SSX2IP: variants seen among roughly 807,000 people sequenced by gnomAD.
SSX2IP encodes the protein afadin- and alpha-actinin-binding protein.
Under a neutral mutation model 84.9 loss-of-function variants are expected in SSX2IP, and 55 were observed. The observed-to-expected ratio is 0.65, with a 90% CI of 0.52 to 0.81. The LOEUF is 0.81. SSX2IP is among the 30% of genes least tolerant of loss of function. The pLI is 0.00. For synonymous variants in SSX2IP, 239 were observed against 234.7 expected, an observed-to-expected ratio of 1.02 and a Z score of -0.17; for missense variants, 664 against 705.2, an observed-to-expected ratio of 0.94 and a Z score of 0.66.
intron 1 of SSX2IP, among the ~76,000 whole-genome samples, chr1:84,672,833 T>G (rs1050945880): frequency 6.6e-6 from 1 of 152,166 alleles, no homozygotes; most frequent in Non-Finnish European, 1.5e-5. Flanking sequence ...GAGACCAGTC[T>G]GGCCAACATG....
At chr1:84,672,460 T>C (rs1570678176) in intron 1 of SSX2IP, among the ~76,000 whole-genome samples, 1 of 150,144 alleles carries the variant, frequency 6.7e-6, no homozygotes, top group South Asian at 2.1e-4. Context: ...GAAAGGGGAG[T>C]GGCTAGAGAA....
intron 1 of SSX2IP, among the ~76,000 whole-genome samples, chr1:84,672,312 G>C (rs545078524): frequency 2.6e-5 from 4 of 152,086 alleles, no homozygotes; most frequent in Non-Finnish European, 2.9e-5. Flanking sequence ...TTGTGGTCAA[G>C]GGGAAAGCGG....
At chr1:84,669,289 T>C (rs914349694) in intron 4 of SSX2IP, among the ~76,000 whole-genome samples, 4 of 152,130 alleles carry the variant, frequency 2.6e-5, no homozygotes, top group African/African-American at 9.7e-5. Flanking sequence ...CCTTAGCTCA[T>C]TTGGCATCAC....
chr1:84,655,445 T>C, intron 11 of SSX2IP: 1 of 1,292,514 alleles, frequency 7.7e-7, no homozygotes, highest in Non-Finnish European at 1.0e-6. Flanking sequence ...GAAGAGAACT[T>C]AATTTTTTAT....
At chr1:84,660,440 T>C (rs1651777904) in intron 8 of SSX2IP, among the ~76,000 whole-genome samples, 1 of 152,108 alleles carries the variant, frequency 6.6e-6, no homozygotes, top group Non-Finnish European at 1.5e-5. Context: ...ATGCTAACCT[T>C]GAAGAAGTAT....
rs1651040949 is a variant in SSX2IP, at chr1:84,656,003, C to T, written c.1218G>A (p.Gln406=). The change falls in exon 11 of 14, where the codon CAG becomes CAA. Residue 406 remains glutamine, a splice_region_variant and synonymous_variant. Coordinates refer to ENST00000342203, the MANE Select transcript of SSX2IP (RefSeq NM_001166293.2). ...CATCATCATATGCAGTAGCGAGCTGCTGCTATTAAAATTTAAAACATAGTA... is the reference window on the plus strand; with the variant it reads ...CATCATCATATGCAGTAGCGAGCTGTTGCTATTAAAATTTAAAACATAGTA... ...MIKTQQQLLQ[Q]QLATAYDDDT... 1 of 1,607,872 alleles carries T rather than the reference C, an allele frequency of 6.2e-7. No homozygotes were observed. The highest frequency in any genetic ancestry group is 1.3e-5 in the African/African-American group (1 of 74,508).
chr1:84,647,916 G>A lies in SSX2IP; in HGVS notation c.1671-309C>T, dbSNP rs144713552. Among the ~76,000 whole-genome samples the A allele has an allele frequency of 7.2e-4, 109 of 151,982 alleles. 1 individual carries two copies. Among genetic ancestry groups the A allele is most frequent in the African/African-American group, 2.4e-3 (99 of 41,494 alleles). On this transcript the variant is annotated intron_variant, in intron 13 of 13. Coordinates refer to ENST00000342203, the MANE Select transcript of SSX2IP (RefSeq NM_001166293.2). ...AGCTGGGAGTAGTAGTGCATGCCTA[G>A]TTTAATCATTTGTACAAGGGATTCT... is the stretch of plus-strand genomic sequence containing the variant.
At chr1:84,659,763 A>G (rs1651655316) in intron 8 of SSX2IP, among the ~76,000 whole-genome samples, 1 of 149,766 alleles carries the variant, frequency 6.7e-6, no homozygotes, top group Non-Finnish European at 1.5e-5. Context: ...TCACCACAGC[A>G]CTCTAGCCTG....
At chr1:84,685,560 C>T (rs186863693) in intron 1 of SSX2IP, among the ~76,000 whole-genome samples, 3 of 152,332 alleles carry the variant, frequency 2.0e-5, no homozygotes, top group Admixed American at 2.0e-4. Flanking sequence ...GATTAGGTAA[C>T]TTACAGTTAC....
intron 1 of SSX2IP, among the ~76,000 whole-genome samples, chr1:84,686,119 T>C (rs902574587): frequency 1.3e-5 from 2 of 152,128 alleles, no homozygotes; most frequent in African/African-American, 4.8e-5. Context: ...ATATTCTCAG[T>C]GCTGACTGTA....
intron 1 of SSX2IP, among the ~76,000 whole-genome samples, chr1:84,675,832 C>A (rs908791806): frequency 7.9e-5 from 12 of 151,924 alleles, no homozygotes; most frequent in African/African-American, 2.9e-4. Context: ...CAAAAGAATG[C>A]AACCTTTCAA....
chr1:84,681,814 T>C (rs934570538), intron 1 of SSX2IP, among the ~76,000 whole-genome samples: 9 of 152,144 alleles, frequency 5.9e-5, no homozygotes, highest in Non-Finnish European at 1.2e-4. Context: ...GCAAGGGTAA[T>C]GCAGTCTTCA....
At chr1:84,658,842 T>C (rs995390011) in intron 8 of SSX2IP, among the ~76,000 whole-genome samples, 1 of 152,244 alleles carries the variant, frequency 6.6e-6, no homozygotes, top group African/African-American at 2.4e-5. Context: ...AGAACTGATA[T>C]TTGACATTAG....
intron 1 of SSX2IP, among the ~76,000 whole-genome samples, chr1:84,673,063 GA>G (rs1653821090): frequency 6.6e-6 from 1 of 152,120 alleles, no homozygotes; most frequent in African/African-American, 2.4e-5. Context: ...AATACTAATT[GA>G]GCTCCTACTA....
intron 4 of SSX2IP, among the ~76,000 whole-genome samples, chr1:84,666,735 C>G (rs758785768): frequency 8.6e-5 from 13 of 152,016 alleles, no homozygotes; most frequent in Non-Finnish European, 1.8e-4. Flanking sequence ...TGTGTGACAC[C>G]ACTTCTCCCT....
upstream of SSX2IP, chr1:84,690,551 A>T (rs950364433): frequency 6.8e-6 from 1 of 147,950 alleles, no homozygotes; most frequent in East Asian, 2.0e-4. Flanking sequence ...CGAGGTTCCC[A>T]CCCCGCCCCC....
chr1:84,690,657 G>A (rs1392272138), upstream of SSX2IP: 1 of 152,176 alleles, frequency 6.6e-6, no homozygotes, highest in Non-Finnish European at 1.5e-5. Flanking sequence ...TGGGGGCCTC[G>A]GTAGTCTCCT....
At chr1:84,653,765 T>C (rs370439737) in intron 11 of SSX2IP, among the ~76,000 whole-genome samples, 18 of 151,908 alleles carry the variant, frequency 1.2e-4, no homozygotes, top group Non-Finnish European at 2.2e-4. Context: ...CACCAAACAT[T>C]GAGAAAACTA....
At chr1:84,672,263 T>C (rs369891258) in intron 1 of SSX2IP, among the ~76,000 whole-genome samples, 4 of 152,278 alleles carry the variant, frequency 2.6e-5, no homozygotes, top group African/African-American at 9.6e-5. Context: ...GGGGAACACA[T>C]GTCAATACTG....
Sources: gnomAD v4.1 joint callset for allele counts (sites outside exome capture counted in the v4.1 genomes callset) on GRCh38, gnomAD v4.1.1 for gene constraint, MANE v1.5 for transcripts, NCBI Gene and HGNC (gene_info 2026-07-23, HGNC 2026-07-21) for gene names.